INTS6: variants seen among roughly 807,000 people sequenced by gnomAD.
INTS6 encodes the protein integrator complex subunit 6.
Under a neutral mutation model 104.9 loss-of-function variants are expected in INTS6, and 16 were observed. The ratio of observed to expected loss-of-function variants is 0.15; its 90% CI spans 0.10 to 0.23. The LOEUF (loss-of-function observed/expected upper bound fraction) is 0.23. Ranked by LOEUF, INTS6 falls within the 10% of genes least tolerant of loss-of-function variation. INTS6 has a pLI of 1.00. For synonymous variants in INTS6, 324 were observed against 358.7 expected (o/e 0.90, Z 1.09); for missense variants, 584 against 1,062.8 (o/e 0.55, Z 6.26).
the INTS6 span, chr13:51,348,129 G>T: frequency 9.2e-7 from 1 of 1,083,306 alleles, no homozygotes; most frequent in Non-Finnish European, 1.3e-6. Flanking sequence ...CCAGTCCTCT[G>T]AGCCAGCCTC....
chr13:51,368,037 G>A (rs962485618), intron 16 of INTS6, 139 bp from the exon 17 acceptor site: 1 of 507,000 alleles, frequency 2.0e-6, no homozygotes, highest in African/African-American at 2.0e-5. Context: ...ACTCATTAGA[G>A]ATTTTATATT....
intron 2 of INTS6, chr13:51,451,720 G>GCGCCGCCGCCGC (rs551582945): frequency 1.5e-4 from 30 of 193,742 alleles, no homozygotes; most frequent in Admixed American, 8.6e-4. Flanking sequence ...GTTGATAGCA[G>GCGCCGCCGCCGC]CGCCGCCGCC....
At chr13:51,408,788 T>C (rs892934779) in intron 4 of INTS6, among the ~76,000 whole-genome samples, 2 of 152,226 alleles carry the variant, frequency 1.3e-5, no homozygotes, top group African/African-American at 4.8e-5. Flanking sequence ...ATGCTTATAA[T>C]GTGACAAGGT....
chr13:51,414,681 A>T (rs569055408), intron 4 of INTS6, among the ~76,000 whole-genome samples: 8 of 152,236 alleles, frequency 5.3e-5, no homozygotes, highest in African/African-American at 1.9e-4. Flanking sequence ...CTGAGTGGGT[A>T]TTTCTTAAAT....
At chr13:51,358,374 C>T (rs1955513450), downstream of INTS6, among the ~76,000 whole-genome samples, 3 of 152,134 alleles carry the variant, frequency 2.0e-5, no homozygotes, top group South Asian at 6.2e-4. Flanking sequence ...AATGTTTATA[C>T]AACGTCATGT....
At chr13:51,351,821 T>C (rs1235593696), downstream of INTS6, among the ~76,000 whole-genome samples, 1 of 152,114 alleles carries the variant, frequency 6.6e-6, no homozygotes, top group African/African-American at 2.4e-5. Context: ...TTGTATATAG[T>C]ATGAGGTAGG....
intron 13 of INTS6, 131 bp from the exon 14 acceptor site, chr13:51,374,927 G>T: frequency 1.1e-6 from 1 of 896,708 alleles, no homozygotes; most frequent in South Asian, 2.3e-5. Context: ...AAATTTGTTT[G>T]GTGCAATTAT....
At chr13:51,423,062 GC>G in intron 4 of INTS6, 1 of 1,282,436 alleles carries the variant, frequency 7.8e-7, no homozygotes, top group Non-Finnish European at 1.0e-6. Context: ...TTCTAGCCTT[GC>G]TTAATTCCAT....
At chr13:51,374,597 A>G in intron 14 of INTS6, 57 bp downstream of exon 14, 1 of 1,594,112 alleles carries the variant, frequency 6.3e-7, no homozygotes, top group Middle Eastern at 1.8e-4. Flanking sequence ...ATTAAGAACT[A>G]TAAAACTGAC....
chr13:51,405,741 G>A (rs1956549931), intron 4 of INTS6, among the ~76,000 whole-genome samples: 1 of 152,176 alleles, frequency 6.6e-6, no homozygotes, highest in Admixed American at 6.5e-5. Flanking sequence ...CCACAGAGAT[G>A]AGAAGCAAGG....
At chr13:51,417,106 T>C (rs1014164474) in intron 4 of INTS6, among the ~76,000 whole-genome samples, 4 of 152,244 alleles carry the variant, frequency 2.6e-5, no homozygotes, top group Non-Finnish European at 5.9e-5. Flanking sequence ...GTTCTTTATA[T>C]ATTCTGGATA....
intron 3 of INTS6, chr13:51,450,611 C>T (rs1953019605): frequency 1.0e-6 from 1 of 986,128 alleles, no homozygotes; most frequent in African/African-American, 1.7e-5. Context: ...AACCCTGATG[C>T]AACAAACAGA....
chr13:51,429,786 ATATATAT>A (rs141560713), intron 4 of INTS6, among the ~76,000 whole-genome samples: 5 of 81,726 alleles, frequency 6.1e-5, no homozygotes, highest in African/African-American at 1.7e-4. Flanking sequence ...AAAAAAAAAA[ATATATAT>A]ATATATATAT....
At chr13:51,435,351 AT>A (rs1189834274) in intron 3 of INTS6, among the ~76,000 whole-genome samples, 3 of 151,960 alleles carry the variant, frequency 2.0e-5, no homozygotes. Flanking sequence ...GTCATTAAAA[AT>A]TTTTCATTTT....
At chr13:51,344,460 C>T in the INTS6 span, 53 of 1,596,512 alleles carry the variant, frequency 3.3e-5, no homozygotes, top group Middle Eastern at 1.7e-4. Context: ...TCCAGACTAG[C>T]GAAGGGGCCT....
At chr13:51,348,054 C>G in the INTS6 span, among the ~76,000 whole-genome samples, 1 of 152,078 alleles carries the variant, frequency 6.6e-6, no homozygotes, top group Non-Finnish European at 1.5e-5. Flanking sequence ...ATGACCATAT[C>G]GCCCAACAGT....
At chr13:51,341,355 G>T in the INTS6 span, 1 of 1,577,398 alleles carries the variant, frequency 6.3e-7, no homozygotes. Flanking sequence ...ATGGTAAGAG[G>T]CCTGCCCACG....
the INTS6 span, chr13:51,340,887 G>A: frequency 8.3e-6 from 5 of 599,126 alleles, no homozygotes; most frequent in African/African-American, 7.4e-5. Context: ...GCTGAAACAA[G>A]AGGGTGCAGC....
the INTS6 span, chr13:51,348,737 G>T: frequency 3.5e-6 from 1 of 288,654 alleles, no homozygotes; most frequent in Non-Finnish European, 6.5e-6. Flanking sequence ...TTTTGGAAAG[G>T]AAATGCTCGT....
Sources: allele counts gnomAD v4.1 joint callset (sites outside exome capture counted in the v4.1 genomes callset), GRCh38; gene constraint gnomAD v4.1.1; transcripts MANE v1.5; gene names NCBI Gene and HGNC (gene_info 2026-07-23, HGNC 2026-07-21).